Variants in SNX13 observed in about 807,000 individuals in gnomAD.
SNX13 encodes sorting nexin-13.
SNX13 carries 45 observed loss-of-function variants against 133.6 expected under a neutral mutation model. That is an observed-to-expected ratio of 0.34 (90% CI 0.27 to 0.43). The LOEUF (loss-of-function observed/expected upper bound fraction) is 0.43. Among genes scored for constraint, SNX13 ranks in the 20% least tolerant of loss-of-function variants. The pLI is 1.00. For synonymous variants in SNX13, 414 were observed against 373.9 expected, an observed-to-expected ratio of 1.11 and a Z score of -1.24; for missense variants, 1,032 against 1,145.1, an observed-to-expected ratio of 0.90 and a Z score of 1.43.
chr7:17,821,409 AT>A (rs552047771), intron 18 of SNX13, 99 bp downstream of exon 18: 550 of 1,192,230 alleles, frequency 4.6e-4, no homozygotes, highest in African/African-American at 3.6e-3. Flanking sequence ...TTCTTACCTT[AT>A]TTTTTTAATT....
intron 5 of SNX13, among the ~76,000 whole-genome samples, chr7:17,884,510 A>G (rs1004844334): frequency 3.9e-5 from 6 of 152,194 alleles, no homozygotes; most frequent in African/African-American, 1.2e-4. Context: ...ATAGGCAGCC[A>G]CTATCTGGAA....
chr7:17,847,774 C>T (rs899223351), intron 11 of SNX13, among the ~76,000 whole-genome samples: 2 of 152,156 alleles, frequency 1.3e-5, no homozygotes. Flanking sequence ...CTCCACTACT[C>T]CACAAAAAAT....
chr7:17,809,825 A>C (rs1266321496), intron 20 of SNX13, among the ~76,000 whole-genome samples: 5 of 152,242 alleles, frequency 3.3e-5, no homozygotes, highest in African/African-American at 1.2e-4. Context: ...CTCACTCAAA[A>C]CAGCACAACT....
At position 17,793,940 on chromosome 7, in the gene SNX13, C is replaced by T; in HGVS notation, c.*105G>A. 1 of 1,289,940 alleles carries T rather than the reference C, an allele frequency of 7.8e-7. No individual in the cohort carries two copies. The highest frequency in any genetic ancestry group is 1.1e-6 in the Non-Finnish European group (1 of 940,218). 79.9% of individuals were successfully genotyped at this position (1,289,940 alleles called of 1,614,324 possible). ...TGTATTAATAATCTATTTTGAGACA[C>T]TAAAAGACTGGTGCAGACACAACAG... On this transcript the variant is annotated 3_prime_UTR_variant, in exon 26 of 26. Coordinates refer to ENST00000428135, the MANE Select transcript of SNX13 (RefSeq NM_015132.5).
chr7:17,818,106 T>C (rs970796730), intron 18 of SNX13, among the ~76,000 whole-genome samples: 1 of 152,146 alleles, frequency 6.6e-6, no homozygotes, highest in Non-Finnish European at 1.5e-5. Context: ...TGTAGGGACA[T>C]GGCAAGAACC....
At chr7:17,935,163 T>C (rs1279195792) in intron 1 of SNX13, among the ~76,000 whole-genome samples, 2 of 152,150 alleles carry the variant, frequency 1.3e-5, no homozygotes, top group Non-Finnish European at 2.9e-5. Context: ...AGGTGGTAGA[T>C]ACAATGGAAT....
At chr7:17,838,585 A>G (rs1367933025) in intron 13 of SNX13, among the ~76,000 whole-genome samples, 1 of 151,798 alleles carries the variant, frequency 6.6e-6, no homozygotes, top group Non-Finnish European at 1.5e-5. Flanking sequence ...CTTTTATCCT[A>G]GACATTTTTA....
chr7:17,803,615 T>C lies in SNX13; in HGVS notation c.2065-35A>G, dbSNP rs776900718. 4.5e-6 allele frequency: 7 copies of C among 1,555,654 alleles called. No homozygotes were observed. The Admixed American group carries it at 7.6e-5, about 17-fold the overall frequency. ...AAAAAGATATTATACCATGACTTTA[T>C]TGTACCAGAGTTGTTATCCAAATGA... On this transcript the variant is annotated intron_variant, in intron 20 of 25. Transcript: ENST00000428135.
rs534879037 is a variant in SNX13, at chr7:17,813,401, T to C, written c.2064+1433A>G. 2.6e-5 allele frequency among the ~76,000 whole-genome samples: 4 copies of C among 152,258 alleles called. No individual in the cohort carries two copies. In the South Asian group the frequency reaches 8.3e-4, roughly 32 times the overall value. ...AATACGCAGAAAAGCAACATATATT[T>C]TTCCCCTCCATTGTAAGGTCCACAC... On this transcript the variant is annotated intron_variant, in intron 20 of 25. Coordinates refer to ENST00000428135, the MANE Select transcript of SNX13 (RefSeq NM_015132.5).
chr7:17,877,807 G>GA (rs1322499818), intron 5 of SNX13, among the ~76,000 whole-genome samples: 90 of 151,930 alleles, frequency 5.9e-4, no homozygotes, highest in African/African-American at 2.1e-3. Context: ...AGGAAAAATA[G>GA]GAAAAACAGT....
intron 25 of SNX13, chr7:17,794,912 G>A (rs1783886879): frequency 6.6e-6 from 1 of 151,620 alleles, no homozygotes; most frequent in Admixed American, 6.6e-5. Context: ...GTAGTGGGGA[G>A]ACTTTCAGAT....
chr7:17,873,607 C>G lies in SNX13; in HGVS notation c.674G>C (p.Arg225Thr). The G allele has an allele frequency of 1.3e-6, 2 of 1,556,290 alleles. No homozygotes were observed. Among genetic ancestry groups the G allele is most frequent in the South Asian group, 2.5e-5 (2 of 81,322 alleles). ...TSPKDEEGFL[R>T]DLCEVLLYLL... is the part of the protein sequence containing the mutation. ...ATATAGTAAGACCTCACACAAATCC[C>G]TTAGGAATCCTAAAAGTAGAAAAAG... Residue 225 changes from arginine (R) to threonine (T), a missense_variant, in exon 8 of 26, where the codon AGG becomes ACG. Arg to Thr is a moderately conservative substitution (Grantham distance 71). Coordinates refer to ENST00000428135, the MANE Select transcript of SNX13 (RefSeq NM_015132.5).
rs1269498985 is a variant in SNX13, at chr7:17,893,376, A to G, written c.184T>C (p.Cys62Arg). 6 of 1,578,282 alleles carry G rather than the reference A, an allele frequency of 3.8e-6. No homozygotes were observed. Among genetic ancestry groups the G allele is most frequent in the South Asian group, 1.2e-5 (1 of 85,912 alleles). The part of the protein sequence containing the change: ...KTNSEKYLEQ[C>R]EHSFLPPTSP... ...GTTGGAGGAAGAAATGAGTGTTCACACTGTTCTAGGTACTTCTCTGAGTTT... is the reference window on the plus strand; with the variant it reads ...GTTGGAGGAAGAAATGAGTGTTCACGCTGTTCTAGGTACTTCTCTGAGTTT... Residue 62 changes from cysteine (C) to arginine (R), a missense_variant, in exon 3 of 26, where the codon TGT becomes CGT. Coordinates refer to ENST00000428135, the MANE Select transcript of SNX13 (RefSeq NM_015132.5).
intron 16 of SNX13, among the ~76,000 whole-genome samples, chr7:17,828,039 C>A (rs1788098308): frequency 6.6e-6 from 1 of 151,670 alleles, no homozygotes; most frequent in Non-Finnish European, 1.5e-5. Context: ...GTACTTATCT[C>A]TTTAAACATG....
At chr7:17,827,515 G>C (rs1212056172) in intron 16 of SNX13, among the ~76,000 whole-genome samples, 1 of 151,842 alleles carries the variant, frequency 6.6e-6, no homozygotes, top group Non-Finnish European at 1.5e-5. Context: ...GGCCAAAAAT[G>C]TATCTACTAA....
chr7:17,797,250 G>A (rs920224728), intron 24 of SNX13, among the ~76,000 whole-genome samples: 1 of 151,758 alleles, frequency 6.6e-6, no homozygotes, highest in African/African-American at 2.4e-5. Context: ...AACTCAAAGT[G>A]GGCATCTGCT....
intron 5 of SNX13, among the ~76,000 whole-genome samples, chr7:17,886,872 C>T (rs1430345766): frequency 2.0e-5 from 3 of 151,824 alleles, no homozygotes; most frequent in Admixed American, 1.3e-4. Context: ...TTCACTCTAT[C>T]GCTACATGAC....
intron 1 of SNX13, among the ~76,000 whole-genome samples, chr7:17,904,031 T>A (rs1798127377): frequency 6.6e-6 from 1 of 152,174 alleles, no homozygotes; most frequent in Non-Finnish European, 1.5e-5. Context: ...ACTTCCATGA[T>A]TCTGAAAATT....
intron 20 of SNX13, among the ~76,000 whole-genome samples, chr7:17,813,716 A>G (rs1483738775): frequency 6.6e-6 from 1 of 151,408 alleles, no homozygotes; most frequent in Non-Finnish European, 1.5e-5. Flanking sequence ...CCTCTTGAGT[A>G]TCTGGGACTA....
Sources: allele counts gnomAD v4.1 joint callset (sites outside exome capture counted in the v4.1 genomes callset), GRCh38; gene constraint gnomAD v4.1.1; transcripts MANE v1.5; gene names NCBI Gene and HGNC (gene_info 2026-07-23, HGNC 2026-07-21).